The following RNF41 variants were observed in gnomAD, a reference collection of about 807,000 sequenced individuals.
The protein encoded by RNF41 is E3 ubiquitin-protein ligase NRDP1.
Under a neutral mutation model 33.0 loss-of-function variants are expected in RNF41, and 4 were observed. That is an observed-to-expected ratio of 0.12 (90% CI 0.06 to 0.28). The LOEUF (loss-of-function observed/expected upper bound fraction) is 0.28, where lower values mean the gene tolerates loss of function less well. Among genes scored for constraint, RNF41 ranks in the 10% least tolerant of loss-of-function variants. RNF41 has a pLI of 1.00. For synonymous variants in RNF41, 164 were observed against 153.2 expected (o/e 1.07, Z -0.52); for missense variants, 228 against 432.6 (o/e 0.53, Z 4.19).
At chr12:56,219,618 G>A (rs185366606) in intron 1 of RNF41, among the ~76,000 whole-genome samples, 3 of 148,566 alleles carry the variant, frequency 2.0e-5, no homozygotes, top group Admixed American at 6.7e-5. Context: ...GAGCCACTGC[G>A]CCCGGCGTAA....
At chr12:56,211,183 A>C (rs1794154449) in intron 3 of RNF41, among the ~76,000 whole-genome samples, 1 of 151,614 alleles carries the variant, frequency 6.6e-6, no homozygotes, top group African/African-American at 2.4e-5. Context: ...CGAAAAAAAA[A>C]AGCTGGGCCT....
chr12:56,213,256 A>C, intron 3 of RNF41: 1 of 614,646 alleles, frequency 1.6e-6, no homozygotes, highest in African/African-American at 2.0e-5. Flanking sequence ...GCTGGAGTGC[A>C]GTGGCACAAT....
At chr12:56,207,897 AC>A in intron 5 of RNF41, 148 bp from the exon 6 acceptor site, 1 of 760,500 alleles carries the variant, frequency 1.3e-6, no homozygotes, top group South Asian at 1.5e-5. Flanking sequence ...TGTCTCACTC[AC>A]AGCTGTCTCC....
At chr12:56,207,576 T>C (rs1030187980) in intron 6 of RNF41, 70 bp downstream of exon 6, 2 of 1,185,804 alleles carry the variant, frequency 1.7e-6, no homozygotes, top group African/African-American at 3.0e-5. Flanking sequence ...TCTGCTACTC[T>C]CCTGCTCTTC....
At chr12:56,216,203 A>C (rs1181560278) in intron 2 of RNF41, among the ~76,000 whole-genome samples, 1 of 152,228 alleles carries the variant, frequency 6.6e-6, no homozygotes, top group African/African-American at 2.4e-5. Context: ...TAGGAAAAAA[A>C]ACACATAAAA....
chr12:56,214,520 TA>T (rs35169878), intron 2 of RNF41, among the ~76,000 whole-genome samples: 105,691 of 132,496 alleles, frequency 0.8, 45,143 homozygotes, highest in East Asian at 1. Context: ...CCTCAGTCTC[TA>T]AAAAAAAAAA....
intron 3 of RNF41, among the ~76,000 whole-genome samples, chr12:56,213,299 C>G (rs1868619720): frequency 6.6e-6 from 1 of 151,858 alleles, no homozygotes; most frequent in Non-Finnish European, 1.5e-5. Context: ...CTCCCGGGTT[C>G]AAGCAATTCT....
rs1868260886 is a variant in RNF41, at chr12:56,206,108, G to A, written c.*339C>T. 1 of 263,288 alleles carries A rather than the reference G, an allele frequency of 3.8e-6. No individual in the cohort carries two copies. The highest frequency in any genetic ancestry group is 5.0e-5 in the Admixed American group (1 of 19,918). The allele number at this position is 263,288 out of a possible 1,614,324, so 16.3% of individuals were successfully genotyped here. A position where few individuals can be genotyped will look rare whatever the true frequency, so the allele number is the denominator to read the frequency against. Reference sequence around the variant, plus strand: ...GGGACGATTAGAGATTCCTTCCTCTGTCCTGATCCTCCAGGGAAATTGAAT... The same window carrying A: ...GGGACGATTAGAGATTCCTTCCTCTATCCTGATCCTCCAGGGAAATTGAAT... On this transcript the variant is annotated 3_prime_UTR_variant, in exon 7 of 7. Transcript: ENST00000345093. The surrounding 1 kb of genome is among the most constrained non-coding windows in gnomAD (Gnocchi z 5.7).
chr12:56,204,600 G>A lies in RNF41; in HGVS notation c.*1847C>T, dbSNP rs1565938481. 6.5e-6 allele frequency: 1 copy of A among 152,678 alleles called. No homozygotes were observed. The highest frequency in any genetic ancestry group is 1.5e-5 in the Non-Finnish European group (1 of 68,114). The allele number at this position is 152,678 out of a possible 1,614,324, so 9.5% of individuals were successfully genotyped here. A position where few individuals can be genotyped will look rare whatever the true frequency, so the allele number is the denominator to read the frequency against. On this transcript the variant is annotated 3_prime_UTR_variant, in exon 7 of 7. Coordinates refer to ENST00000345093, the MANE Select transcript of RNF41 (RefSeq NM_005785.4). Reference sequence around the variant, plus strand: ...ACCTGCAGAGACACTAGTGCAAAGGGTAGGGAAGCCTTTCACTGAGCTTCC... The same window carrying A: ...ACCTGCAGAGACACTAGTGCAAAGGATAGGGAAGCCTTTCACTGAGCTTCC...
rs1445731300 is a variant in RNF41, at chr12:56,219,502, A to G, written c.-209+2258T>C. Among the ~76,000 whole-genome samples the G allele has an allele frequency of 5.3e-5, 8 of 151,466 alleles. No individual in the cohort carries two copies. In the South Asian group the frequency reaches 1.3e-3, roughly 24 times the overall value. ...GAGCCACCGCGCCCAGCCAATTTTT[A>G]TATTTTAGTAGAGACAGGGTTTCAA... On this transcript the variant is annotated intron_variant, in intron 1 of 6. Coordinates refer to ENST00000345093, the MANE Select transcript of RNF41 (RefSeq NM_005785.4).
In RNF41 at chr12:56,208,072, G is replaced by A. The variant is rs374665052; in HGVS notation, c.498+91C>T. On this transcript the variant is annotated intron_variant, in intron 5 of 6. Coordinates refer to ENST00000345093, the MANE Select transcript of RNF41 (RefSeq NM_005785.4). ...TCTAGGCTCACAAGTGTAAGCACTG[G>A]TCTGTGTGTTCACAACTGGTTTTTA... The A allele has an allele frequency of 1.2e-5, 17 of 1,470,168 alleles. No individual in the cohort carries two copies. In the African/African-American group the frequency reaches 2.2e-4, roughly 19 times the overall value. 91.1% of individuals were successfully genotyped at this position (1,470,168 alleles called of 1,614,324 possible).
At chr12:56,211,814 T>C (rs1592353642) in intron 3 of RNF41, among the ~76,000 whole-genome samples, 1 of 151,190 alleles carries the variant, frequency 6.6e-6, no homozygotes, top group Non-Finnish European at 1.5e-5. Flanking sequence ...CTACTAAAAA[T>C]ACAAAAAATT....
At chr12:56,211,538 AGAG>A (rs1868476541) in intron 3 of RNF41, among the ~76,000 whole-genome samples, 1 of 152,162 alleles carries the variant, frequency 6.6e-6, no homozygotes, top group East Asian at 1.9e-4. Context: ...AAAAATGTCC[AGAG>A]GAGGGTGAGG....
chr12:56,218,546 C>A (rs1189980367), intron 1 of RNF41, among the ~76,000 whole-genome samples: 1 of 133,464 alleles, frequency 7.5e-6, no homozygotes, highest in African/African-American at 2.8e-5. Flanking sequence ...GGATTACAGG[C>A]ACCAGCCACT....
At chr12:56,213,919 A>G in intron 3 of RNF41, 39 bp downstream of exon 3, 3 of 1,301,918 alleles carry the variant, frequency 2.3e-6, no homozygotes, top group Non-Finnish European at 3.4e-6. Context: ...TTCCACTGCT[A>G]CCTGTTGCCC....
rs987823371 is a variant in RNF41 at position 56,204,714 on chromosome 12, A to G, written c.*1733T>C. 2 of 152,724 alleles carry G rather than the reference A, an allele frequency of 1.3e-5. No homozygotes were observed. The highest frequency in any genetic ancestry group is 4.8e-5 in the African/African-American group (2 of 41,428). The allele number at this position is 152,724 out of a possible 1,614,324, so 9.5% of individuals were successfully genotyped here. A position where few individuals can be genotyped will look rare whatever the true frequency, so the allele number is the denominator to read the frequency against. Reference sequence around the variant, plus strand: ...GGAGTGGAAGAAATGTAGTAACCAGAGTAAGTATAGCAGCGTTTTCAAATT... The same window carrying G: ...GGAGTGGAAGAAATGTAGTAACCAGGGTAAGTATAGCAGCGTTTTCAAATT... On this transcript the variant is annotated 3_prime_UTR_variant, in exon 7 of 7. Coordinates refer to ENST00000345093, the MANE Select transcript of RNF41 (RefSeq NM_005785.4).
Position 56,213,566 on chromosome 12 carries a change from T to C in RNF41, c.90+392A>G, listed in dbSNP as rs557849658. ...GCTGATTACCTGAAGCACTACATCA[T>C]AAAAATGCAGAGAGAACTTATTAGG... On this transcript the variant is annotated intron_variant, in intron 3 of 6. Transcript: ENST00000345093. Among the ~76,000 whole-genome samples the C allele has an allele frequency of 5.3e-5, 8 of 152,172 alleles. No individual in the cohort carries two copies. The South Asian group carries it at 1.5e-3, about 28-fold the overall frequency.
At chr12:56,207,472 G>A (rs1868292223) in intron 6 of RNF41, among the ~76,000 whole-genome samples, 174 bp downstream of exon 6, 1 of 152,188 alleles carries the variant, frequency 6.6e-6, no homozygotes, top group Non-Finnish European at 1.5e-5. Flanking sequence ...ATCCTGTAGT[G>A]GAGCTAAGGG....
rs112657679 is a variant in RNF41, at chr12:56,206,034, C to CT, written c.*412dup. ...TACCATTTCTTCAGGATGTCTGCTG[C>CT]TTAGAGTCAACAGGCCTGACTGCTC... On this transcript the variant is annotated 3_prime_UTR_variant, in exon 7 of 7. Transcript: ENST00000345093. The surrounding 1 kb of genome is among the most constrained non-coding windows in gnomAD (Gnocchi z 5.7). 3 of 174,746 alleles carry CT rather than the reference C, an allele frequency of 1.7e-5. No homozygotes were observed. The highest frequency in any genetic ancestry group is 5.4e-5 in the Admixed American group (1 of 18,432). The allele number at this position is 174,746 out of a possible 1,614,324, so 10.8% of individuals were successfully genotyped here. A position where few individuals can be genotyped will look rare whatever the true frequency, so the allele number is the denominator to read the frequency against.
Sources: allele counts gnomAD v4.1 joint callset (sites outside exome capture counted in the v4.1 genomes callset), GRCh38; gene constraint gnomAD v4.1.1; non-coding constraint Gnocchi (gnomAD v3.1); transcripts MANE v1.5; gene names NCBI Gene and HGNC (gene_info 2026-07-23, HGNC 2026-07-21).